EML2: variants seen among roughly 807,000 people sequenced by gnomAD.
The protein encoded by EML2 is echinoderm microtubule-associated protein-like 2.
A neutral mutation model predicts 84.7 loss-of-function variants in EML2; 59 were observed. The observed-to-expected ratio is 0.70, with a 90% confidence interval of 0.56 to 0.86. The LOEUF is 0.86. Ranked by LOEUF, EML2 falls within the 40% of genes least tolerant of loss-of-function variation. The pLI is 0.00. For synonymous variants in EML2, 352 were observed against 348.9 expected (o/e 1.01, Z -0.10); for missense variants, 818 against 855.6 (o/e 0.96, Z 0.55).
chr19:45,638,457 T>C, intron 3 of EML2, 48 bp downstream of exon 3: 1 of 1,612,464 alleles, frequency 6.2e-7, no homozygotes, highest in Non-Finnish European at 8.5e-7. Flanking sequence ...CCTTTCTATT[T>C]CCTCCTGGGG....
upstream of EML2, chr19:45,645,033 C>G (rs868177748): frequency 1.7e-6 from 1 of 589,302 alleles, no homozygotes; most frequent in Non-Finnish European, 3.0e-6. Flanking sequence ...GGTTCTGCCC[C>G]CTTCTCTCCT....
upstream of EML2, chr19:45,643,564 G>C (rs113358613): frequency 2.8e-3 from 4,307 of 1,535,232 alleles, 125 homozygotes; most frequent in African/African-American, 0.053. Context: ...CCCTTTTCCC[G>C]CAGAATACTC....
chr19:45,641,790 A>G, upstream of EML2: 3 of 1,531,814 alleles, frequency 2.0e-6, no homozygotes, highest in Non-Finnish European at 2.6e-6. Flanking sequence ...CTTCTAGGCC[A>G]GCAGGCGAGT....
chr19:45,630,751 G>T lies in EML2; in HGVS notation c.511-705C>A, dbSNP rs1459249693. ...CCAGCACCCCTAGCCAGGAATTCTT[G>T]CTGACATCATCTCATTTGCATTTAC... is the stretch of plus-strand genomic sequence containing the variant. On this transcript the variant is annotated intron_variant, in intron 6 of 18. Coordinates refer to ENST00000245925, the MANE Select transcript of EML2 (RefSeq NM_012155.4). Among the ~76,000 whole-genome samples the T allele has an allele frequency of 2.6e-5, 4 of 152,126 alleles. No individual in the cohort carries two copies. In the East Asian group the frequency reaches 7.7e-4, roughly 29 times the overall value.
intron 16 of EML2, among the ~76,000 whole-genome samples, chr19:45,615,422 G>A (rs1970920876): frequency 1.3e-5 from 2 of 151,400 alleles, no homozygotes; most frequent in Admixed American, 1.3e-4. Context: ...GGAGGCTGAG[G>A]CAGAAGAATC....
upstream of EML2, chr19:45,642,219 C>A: frequency 6.5e-7 from 1 of 1,535,456 alleles, no homozygotes; most frequent in Non-Finnish European, 8.7e-7. Flanking sequence ...CTTCGCATGC[C>A]CGCAGGCGAC....
intron 17 of EML2, among the ~76,000 whole-genome samples, chr19:45,614,185 C>T (rs896991212): frequency 2.6e-5 from 4 of 152,180 alleles, no homozygotes; most frequent in African/African-American, 7.2e-5. Flanking sequence ...CCTGGGTTTC[C>T]CTGTCTCAGA....
At chr19:45,619,014 G>T (rs1971397868) in intron 12 of EML2, 46 bp downstream of exon 12, 1 of 1,546,934 alleles carries the variant, frequency 6.5e-7, no homozygotes, top group Non-Finnish European at 8.8e-7. Context: ...CAGGGGGAAA[G>T]GTAGTTCTGT....
intron 16 of EML2, among the ~76,000 whole-genome samples, chr19:45,615,585 CT>C (rs1459299173): frequency 6.6e-6 from 1 of 150,554 alleles, no homozygotes; most frequent in Non-Finnish European, 1.5e-5. Context: ...AAAAAGAAAC[CT>C]GCATCCTACC....
At position 45,630,468 on chromosome 19, in the gene EML2, G is replaced by A. The variant is rs552736953; in HGVS notation, c.511-422C>T. On this transcript the variant is annotated intron_variant, in intron 6 of 18. Transcript: ENST00000245925. ...CTCGGGAGGCTGAGGCAGGAGAATC[G>A]CTTGAACTGGGAGGCAGAGGATGCA... Among the ~76,000 whole-genome samples the A allele has an allele frequency of 5.3e-5, 8 of 150,232 alleles. No individual in the cohort carries two copies. The South Asian group carries it at 8.4e-4, about 16-fold the overall frequency.
chr19:45,613,492 C>T, intron 18 of EML2, 49 bp downstream of exon 18: 1 of 1,600,876 alleles, frequency 6.2e-7, no homozygotes, highest in African/African-American at 1.3e-5. Context: ...ATTTTGTCCC[C>T]ACCCCTGCTT....
intron 11 of EML2, 166 bp from the exon 12 acceptor site, chr19:45,619,357 C>CAGATGCCCAAT: frequency 1.2e-6 from 1 of 808,380 alleles, no homozygotes; most frequent in Non-Finnish European, 1.8e-6. Flanking sequence ...AATTGGGCAT[C>CAGATGCCCAAT]TGAACCCATG....
intron 8 of EML2, among the ~76,000 whole-genome samples, chr19:45,626,260 C>A (rs553031918): frequency 3.9e-5 from 6 of 152,164 alleles, no homozygotes; most frequent in African/African-American, 9.7e-5. Flanking sequence ...GATCCTCCCC[C>A]CTCAGCCTCC....
At chr19:45,635,608 T>C (rs975329465) in intron 3 of EML2, among the ~76,000 whole-genome samples, 3 of 130,578 alleles carry the variant, frequency 2.3e-5, no homozygotes, top group Non-Finnish European at 3.2e-5. Context: ...TTTTTTTTTT[T>C]TGAGATGGAG....
At chr19:45,632,589 T>C in intron 6 of EML2, 2 of 437,806 alleles carry the variant, frequency 4.6e-6, no homozygotes, top group South Asian at 2.5e-5. Flanking sequence ...TCTGTACTTA[T>C]CTCTGCCTGG....
Position 45,619,137 on chromosome 19 carries a change from C to T in EML2, c.1177G>A (p.Val393Met). The T allele has an allele frequency of 6.2e-7, 1 of 1,612,634 alleles. No individual in the cohort carries two copies. The highest frequency in any genetic ancestry group is 1.1e-5 in the South Asian group (1 of 90,910). ...LATHPSRAQF[V>M]TCGQDKLVHL... Reference sequence around the variant, plus strand: ...ACCAGCTTATCCTGCCCGCAGGTCACAAACTGGGCCCGACTGGGGTGTGTG... The same window carrying T: ...ACCAGCTTATCCTGCCCGCAGGTCATAAACTGGGCCCGACTGGGGTGTGTG... The change falls in exon 12 of 19, where the codon GTG becomes ATG. Residue 393 changes from valine to methionine, a missense_variant. Transcript: ENST00000245925.
At chr19:45,614,318 C>T (rs1970793166) in intron 17 of EML2, among the ~76,000 whole-genome samples, 1 of 152,318 alleles carries the variant, frequency 6.6e-6, no homozygotes, top group South Asian at 2.1e-4. Context: ...CACAGAACTG[C>T]TCAGGGAATA....
intron 9 of EML2, among the ~76,000 whole-genome samples, chr19:45,622,765 C>T (rs368419026): frequency 1.3e-4 from 20 of 151,358 alleles, no homozygotes; most frequent in South Asian, 6.5e-4. Flanking sequence ...AGAGGGCAGG[C>T]GGCCGGGTTC....
intron 1 of EML2, 121 bp from the exon 2 acceptor site, chr19:45,638,994 G>A (rs754468552): frequency 6.7e-6 from 8 of 1,190,526 alleles, no homozygotes; most frequent in Middle Eastern, 1.9e-4. Context: ...GCCGAGTAAG[G>A]GGCAGAGCGC....
Sources: allele counts gnomAD v4.1 joint callset (sites outside exome capture counted in the v4.1 genomes callset), GRCh38; gene constraint gnomAD v4.1.1; transcripts MANE v1.5; gene names NCBI Gene and HGNC (gene_info 2026-07-23, HGNC 2026-07-21).